Variants in HPGDS observed in about 807,000 individuals in gnomAD.
The protein encoded by HPGDS is GST class-sigma.
In HPGDS, 26 loss-of-function variants were observed where a neutral mutation model predicts 23.1. That is an observed-to-expected ratio of 1.13 (90% confidence interval 0.83 to 1.56). The LOEUF is 1.56. Ranked by LOEUF, HPGDS falls within the 40% of genes most tolerant of loss-of-function variation. The pLI is 0.00. For missense variants in HPGDS, 268 were observed against 236.4 expected (o/e 1.13, Z -0.88); for synonymous variants, 95 against 77.9 (o/e 1.22, Z -1.16).
chr4:94,325,303 G>T (rs982317308), intron 2 of HPGDS, among the ~76,000 whole-genome samples: 4 of 152,210 alleles, frequency 2.6e-5, no homozygotes, highest in African/African-American at 9.6e-5. Context: ...GAGAACCACT[G>T]CTCTCTTCAG....
chr4:94,340,293 C>CTTT (rs1560597906), intron 1 of HPGDS, among the ~76,000 whole-genome samples: 1 of 36,806 alleles, frequency 2.7e-5, no homozygotes, highest in East Asian at 6.5e-4. Flanking sequence ...TTCTTTCTTT[C>CTTT]TTTCTTTCTT....
intron 1 of HPGDS, among the ~76,000 whole-genome samples, chr4:94,336,390 T>C (rs1460093488): frequency 5.9e-5 from 9 of 152,102 alleles, no homozygotes. Flanking sequence ...GTGACGGTGA[T>C]GGTAATTCCT....
intron 2 of HPGDS, among the ~76,000 whole-genome samples, chr4:94,320,274 C>G (rs750537235): frequency 6.6e-6 from 1 of 152,090 alleles, no homozygotes; most frequent in Non-Finnish European, 1.5e-5. Context: ...TGGGTATATG[C>G]CCAGTAATGG....
chr4:94,333,806 G>C (rs1226894124), intron 2 of HPGDS, among the ~76,000 whole-genome samples: 1 of 152,042 alleles, frequency 6.6e-6, no homozygotes, highest in African/African-American at 2.4e-5. Context: ...TATCCATGTT[G>C]GTCTAATTAA....
intron 1 of HPGDS, among the ~76,000 whole-genome samples, chr4:94,340,260 C>CCTTTCTTTCTTTCTTTCTTTCTTTCTTT (rs201837103): frequency 1.2e-5 from 1 of 81,444 alleles, no homozygotes; most frequent in African/African-American, 4.4e-5. Flanking sequence ...CTGGTCTAAA[C>CCTTTCTTTCTTTCTTTCTTTCTTTCTTT]CTTTCTTTCT....
At chr4:94,302,336 CA>C in intron 4 of HPGDS, 92 bp from the exon 5 acceptor site, 1 of 829,776 alleles carries the variant, frequency 1.2e-6, no homozygotes, top group Non-Finnish European at 2.0e-6. Flanking sequence ...TTTATTCTCC[CA>C]CATGAATTCA....
At chr4:94,303,450 A>G (rs1421144041) in intron 4 of HPGDS, among the ~76,000 whole-genome samples, 3 of 152,170 alleles carry the variant, frequency 2.0e-5, no homozygotes, top group Admixed American at 6.5e-5. Flanking sequence ...AGAATTTCAG[A>G]TAAGGGATAC....
chr4:94,339,805 G>A (rs1056723396), intron 1 of HPGDS, among the ~76,000 whole-genome samples: 10 of 152,026 alleles, frequency 6.6e-5, no homozygotes, highest in South Asian at 2.1e-4. Context: ...GGAGGGACCC[G>A]GTGGGAGATA....
chr4:94,336,080 C>A (rs994608977), intron 1 of HPGDS, among the ~76,000 whole-genome samples: 1 of 151,932 alleles, frequency 6.6e-6, no homozygotes, highest in Non-Finnish European at 1.5e-5. Flanking sequence ...GTGGTGCGCG[C>A]CTGTAATCCC....
intron 1 of HPGDS, among the ~76,000 whole-genome samples, chr4:94,334,849 TA>T (rs1369896695): frequency 6.6e-6 from 1 of 152,212 alleles, no homozygotes; most frequent in African/African-American, 2.4e-5. Context: ...TGGCACTACT[TA>T]GAACATTACA....
chr4:94,331,610 A>G (rs983042965), intron 2 of HPGDS, among the ~76,000 whole-genome samples: 1 of 152,196 alleles, frequency 6.6e-6, no homozygotes, highest in Non-Finnish European at 1.5e-5. Flanking sequence ...ATTTCTGCTC[A>G]AGGAATATTA....
At chr4:94,315,839 A>G (rs1002806766) in intron 3 of HPGDS, among the ~76,000 whole-genome samples, 26 of 152,194 alleles carry the variant, frequency 1.7e-4, no homozygotes, top group African/African-American at 6.3e-4. Context: ...TTTCATCCCT[A>G]CTTTGACTTC....
intron 2 of HPGDS, among the ~76,000 whole-genome samples, chr4:94,326,742 G>A (rs1435167742): frequency 6.6e-6 from 1 of 151,762 alleles, no homozygotes; most frequent in Non-Finnish European, 1.5e-5. Context: ...AGAATTATTG[G>A]GTTCCTTTGG....
intron 3 of HPGDS, among the ~76,000 whole-genome samples, chr4:94,309,880 G>C (rs1028952262): frequency 6.6e-6 from 1 of 152,152 alleles, no homozygotes; most frequent in African/African-American, 2.4e-5. Context: ...CTGATGGCCA[G>C]TGATGACGAG....
chr4:94,324,352 T>C (rs749873390), intron 2 of HPGDS, among the ~76,000 whole-genome samples: 1 of 152,204 alleles, frequency 6.6e-6, no homozygotes, highest in Non-Finnish European at 1.5e-5. Flanking sequence ...TACTGGAGTG[T>C]TTTCCAGCTT....
Position 94,315,167 on chromosome 4 carries a change from C to T in HPGDS, c.226+2706G>A, listed in dbSNP as rs1406711437. On this transcript the variant is annotated intron_variant, in intron 3 of 5. Transcript: ENST00000295256. ...TGTCCTGCACCTACTGTCTGACAAT[C>T]CCCAGTGAGACAATCCCCGGTACCT... is the stretch of plus-strand genomic sequence containing the variant. Among the ~76,000 whole-genome samples the T allele has an allele frequency of 6.1e-5, 4 of 65,088 alleles. No homozygotes were observed. In the Admixed American group the frequency reaches 6.6e-4, roughly 11 times the overall value. The allele number at this position is 65,088 out of a possible 152,430, so 42.7% of individuals were successfully genotyped here. A position where few individuals can be genotyped will look rare whatever the true frequency, so the allele number is the denominator to read the frequency against.
chr4:94,329,765 A>C (rs1038752013), intron 2 of HPGDS, among the ~76,000 whole-genome samples: 3 of 152,232 alleles, frequency 2.0e-5, no homozygotes, highest in African/African-American at 7.2e-5. Context: ...TGCATCTAAC[A>C]AGAAGACATT....
At chr4:94,322,234 G>C (rs1341430985) in intron 2 of HPGDS, among the ~76,000 whole-genome samples, 2 of 149,832 alleles carry the variant, frequency 1.3e-5, no homozygotes, top group Non-Finnish European at 3.0e-5. Flanking sequence ...TCTTTTTTTT[G>C]TGTCTCTGCC....
chr4:94,318,836 C>G (rs904515809), intron 2 of HPGDS, among the ~76,000 whole-genome samples: 1 of 152,100 alleles, frequency 6.6e-6, no homozygotes, highest in Non-Finnish European at 1.5e-5. Flanking sequence ...CCTCAGCCTC[C>G]TGAGTAGCCA....
Sources: gnomAD v4.1 joint callset for allele counts (sites outside exome capture counted in the v4.1 genomes callset) on GRCh38, gnomAD v4.1.1 for gene constraint, MANE v1.5 for transcripts, NCBI Gene and HGNC (gene_info 2026-07-23, HGNC 2026-07-21) for gene names.